Variants in CCDC102B observed in about 807,000 individuals in gnomAD.
CCDC102B encodes the protein coiled-coil domain-containing protein 102B.
In CCDC102B, 75 loss-of-function variants were observed where a neutral mutation model predicts 57.4. The ratio of observed to expected loss-of-function variants is 1.31; its 90% CI spans 1.08 to 1.58. CCDC102B has a LOEUF of 1.58. CCDC102B is among the 40% of genes most tolerant of loss of function. The pLI is 0.00. For synonymous variants in CCDC102B, 206 were observed against 201.9 expected, an observed-to-expected ratio of 1.02 and a Z score of -0.17; for missense variants, 636 against 582.6, an observed-to-expected ratio of 1.09 and a Z score of -0.94.
intron 7 of CCDC102B, among the ~76,000 whole-genome samples, chr18:69,039,070 T>C (rs2145466743): frequency 6.6e-6 from 1 of 152,110 alleles, no homozygotes; most frequent in South Asian, 2.1e-4. Flanking sequence ...GGGGGGTTCC[T>C]GTGCTTACCA....
rs775074009 is a variant in CCDC102B at position 68,897,305 on chromosome 18, T to A, written c.1140T>A (p.Asn380Lys). The A allele has an allele frequency of 1.2e-6, 2 of 1,612,828 alleles. No homozygotes were observed. The highest frequency in any genetic ancestry group is 1.7e-6 in the Non-Finnish European group (2 of 1,179,246). The change falls in exon 6 of 8, where the codon AAT (asparagine) becomes AAA (lysine). Residue 380 changes from asparagine to lysine, a missense_variant. Asn to Lys is a moderately conservative substitution (Grantham distance 94). Transcript: ENST00000360242. ...AAAAGCAGGGACTGGAGAGAGAAAA[T>A]AGAAGGCTGAAGATCCAGGTGAAAG... ...EREKQGLERE[N>K]RRLKIQVKEM...
Position 69,011,121 on chromosome 18 carries a change from GAA to G in CCDC102B, c.1434+18_1434+19del. 1.2e-6 allele frequency: 2 copies of G among 1,606,496 alleles called. No individual in the cohort carries two copies. Among genetic ancestry groups the G allele is most frequent in the Non-Finnish European group, 1.7e-6 (2 of 1,176,020 alleles). On this transcript the variant is annotated intron_variant, in intron 7 of 7. Coordinates refer to ENST00000360242, the MANE Select transcript of CCDC102B (RefSeq NM_024781.3). ...GAAGATGAGGTACTACTTTATGAGT[GAA>G]CACGTGCTGGACAGCTTCTAAATAG...
intron 2 of CCDC102B, among the ~76,000 whole-genome samples, chr18:68,790,018 T>C (rs1247772076): frequency 6.7e-6 from 1 of 149,382 alleles, no homozygotes; most frequent in Non-Finnish European, 1.5e-5. Context: ...GGTGTGGATG[T>C]CCTTTCTGTT....
At chr18:68,753,995 T>C (rs1349922674) in intron 2 of CCDC102B, 1 of 152,196 alleles carries the variant, frequency 6.6e-6, no homozygotes, top group Non-Finnish European at 1.5e-5. Flanking sequence ...ATGGGTTGTG[T>C]ACAGACAGGT....
intron 6 of CCDC102B, among the ~76,000 whole-genome samples, chr18:68,993,825 G>A (rs185562316): frequency 3.9e-5 from 6 of 152,248 alleles, no homozygotes; most frequent in Admixed American, 3.3e-4. Context: ...AAATAGAACT[G>A]CTGTGTAAGA....
At chr18:69,040,489 G>C (rs1276818255) in intron 7 of CCDC102B, among the ~76,000 whole-genome samples, 1 of 151,232 alleles carries the variant, frequency 6.6e-6, no homozygotes, top group African/African-American at 2.4e-5. Flanking sequence ...TGATCAATTT[G>C]ATGGTATTAA....
intron 4 of CCDC102B, among the ~76,000 whole-genome samples, chr18:68,871,718 C>G (rs993712773): frequency 6.6e-6 from 1 of 151,888 alleles, no homozygotes; most frequent in East Asian, 1.9e-4. Context: ...AGCATAAGGA[C>G]CAGGAGTAGG....
chr18:68,828,627 G>T (rs2037011636), intron 1 of CCDC102B, among the ~76,000 whole-genome samples: 1 of 151,564 alleles, frequency 6.6e-6, no homozygotes, highest in Non-Finnish European at 1.5e-5. Context: ...TACATTAGAA[G>T]TAAGGTAATC....
chr18:68,797,574 A>C (rs956725603), upstream of CCDC102B, among the ~76,000 whole-genome samples: 1 of 152,084 alleles, frequency 6.6e-6, no homozygotes, highest in Non-Finnish European at 1.5e-5. Context: ...ATGTGACCAC[A>C]ATCAAGGGTT....
intron 6 of CCDC102B, among the ~76,000 whole-genome samples, chr18:68,996,912 C>A (rs2051043801): frequency 6.6e-6 from 1 of 152,174 alleles, no homozygotes; most frequent in Non-Finnish European, 1.5e-5. Flanking sequence ...CAAATCTCAT[C>A]TTGAATGGTA....
intron 7 of CCDC102B, among the ~76,000 whole-genome samples, chr18:69,012,695 T>C (rs2051551265): frequency 6.6e-6 from 1 of 152,078 alleles, no homozygotes; most frequent in African/African-American, 2.4e-5. Flanking sequence ...GTCCAAAATA[T>C]GCATGATTCT....
At chr18:69,031,976 A>ATT (rs67627256) in intron 7 of CCDC102B, among the ~76,000 whole-genome samples, 125 of 150,050 alleles carry the variant, frequency 8.3e-4, no homozygotes, top group African/African-American at 2.9e-3. Context: ...TTTTTTTTAC[A>ATT]TTTTTTTTTC....
chr18:69,050,978 G>A (rs927338176), intron 7 of CCDC102B, among the ~76,000 whole-genome samples: 1 of 152,098 alleles, frequency 6.6e-6, no homozygotes, highest in African/African-American at 2.4e-5. Flanking sequence ...CTGAACTCCT[G>A]GGCCCAAGCC....
At chr18:68,806,983 A>T (rs1181652062) in intron 1 of CCDC102B, among the ~76,000 whole-genome samples, 2 of 152,146 alleles carry the variant, frequency 1.3e-5, no homozygotes, top group African/African-American at 4.8e-5. Context: ...TAAACGGTTC[A>T]AAAATATCTT....
chr18:69,054,647 A>C lies in CCDC102B; in HGVS notation c.*510A>C. On this transcript the variant is annotated 3_prime_UTR_variant, in exon 8 of 8. Coordinates refer to ENST00000360242, the MANE Select transcript of CCDC102B (RefSeq NM_024781.3). ...AATACATTTCTTATATAATTTTATAAGTCATTTCTAATCTTTGTATAAAAC... is the reference window on the plus strand; with the variant it reads ...AATACATTTCTTATATAATTTTATACGTCATTTCTAATCTTTGTATAAAAC... 1.0e-6 allele frequency: 1 copy of C among 980,974 alleles called. No individual in the cohort carries two copies. The highest frequency in any genetic ancestry group is 4.7e-5 in the South Asian group (1 of 21,184). The allele number at this position is 980,974 out of a possible 1,614,324, so 60.8% of individuals were successfully genotyped here.
chr18:68,788,555 G>A (rs1357802332), intron 2 of CCDC102B, among the ~76,000 whole-genome samples: 1 of 150,752 alleles, frequency 6.6e-6, no homozygotes, highest in African/African-American at 2.5e-5. Context: ...AGCTCTTCTT[G>A]TTGAATTGAT....
intron 7 of CCDC102B, among the ~76,000 whole-genome samples, chr18:69,013,031 G>GA (rs2051560995): frequency 6.8e-6 from 1 of 148,140 alleles, no homozygotes; most frequent in African/African-American, 2.6e-5. Context: ...TCTACCTAAA[G>GA]GAAAAAAAAA....
At chr18:68,790,437 C>T (rs1023185649) in intron 2 of CCDC102B, among the ~76,000 whole-genome samples, 8 of 151,980 alleles carry the variant, frequency 5.3e-5, no homozygotes, top group South Asian at 2.1e-4. Context: ...GCCTCGCTGC[C>T]GCCTTGCAGT....
At chr18:68,824,447 T>C (rs1025907539) in intron 1 of CCDC102B, among the ~76,000 whole-genome samples, 14 of 152,234 alleles carry the variant, frequency 9.2e-5, no homozygotes, top group Admixed American at 7.2e-4. Context: ...ATCATATTGT[T>C]AGCGAAGAGA....
Sources: allele counts gnomAD v4.1 joint callset (sites outside exome capture counted in the v4.1 genomes callset), GRCh38; gene constraint gnomAD v4.1.1; transcripts MANE v1.5; gene names NCBI Gene and HGNC (gene_info 2026-07-23, HGNC 2026-07-21).